The following ENTREP2 variants were observed in gnomAD, a reference collection of about 807,000 sequenced individuals.
ENTREP2 encodes the protein protein ENTREP2.
At chr15:29,454,133 G>A in the ENTREP2 span, among the ~76,000 whole-genome samples, 2 of 152,172 alleles carry the variant, frequency 1.3e-5, no homozygotes, top group South Asian at 2.1e-4. Context: ...TTATGAGACT[G>A]CACCAGTTTG....
the ENTREP2 span, among the ~76,000 whole-genome samples, chr15:29,179,705 C>G: frequency 6.6e-6 from 1 of 151,860 alleles, no homozygotes. Flanking sequence ...CTCAGCCTCC[C>G]GAGTAGCTGG....
the ENTREP2 span, among the ~76,000 whole-genome samples, chr15:29,181,248 T>C: frequency 2.0e-5 from 3 of 152,182 alleles, no homozygotes; most frequent in African/African-American, 7.2e-5. Context: ...TATAATCCAC[T>C]GAATCAGTAC....
the ENTREP2 span, chr15:29,269,625 G>C: frequency 6.4e-7 from 1 of 1,569,448 alleles, no homozygotes; most frequent in Non-Finnish European, 8.6e-7. Flanking sequence ...GCGAAGCCCC[G>C]GGGTTTCCGC....
the ENTREP2 span, among the ~76,000 whole-genome samples, chr15:29,558,310 C>T: frequency 2.0e-5 from 3 of 152,200 alleles, no homozygotes; most frequent in Non-Finnish European, 4.4e-5. Flanking sequence ...CTGTTTCCCA[C>T]GCCTGGGGTC....
the ENTREP2 span, among the ~76,000 whole-genome samples, chr15:29,394,724 G>A: frequency 1.3e-5 from 2 of 151,750 alleles, no homozygotes; most frequent in African/African-American, 2.4e-5. Flanking sequence ...AATTTACACC[G>A]ATTCCCCATT....
the ENTREP2 span, among the ~76,000 whole-genome samples, chr15:29,657,483 C>CGGGGGGGGGGGGGGGGG: frequency 1.3e-4 from 9 of 69,430 alleles, no homozygotes; most frequent in African/African-American, 2.4e-4. Context: ...GCTGGGGGGG[C>CGGGGGGGGGGGGGGGGG]GGGGGGGGGG....
At chr15:29,300,114 T>TA in the ENTREP2 span, among the ~76,000 whole-genome samples, 9 of 149,524 alleles carry the variant, frequency 6.0e-5, no homozygotes, top group South Asian at 2.1e-4. Flanking sequence ...GGTGAGTGGA[T>TA]AAATGGATGA....
At chr15:29,530,212 T>C in the ENTREP2 span, among the ~76,000 whole-genome samples, 1 of 152,134 alleles carries the variant, frequency 6.6e-6, no homozygotes, top group Admixed American at 6.5e-5. Context: ...CTTCTCACCC[T>C]AGGGAACTGG....
chr15:29,534,063 C>A, the ENTREP2 span, among the ~76,000 whole-genome samples: 1 of 136,052 alleles, frequency 7.4e-6, no homozygotes, highest in African/African-American at 2.9e-5. Context: ...TATGTCCAAC[C>A]TAACACCACA....
the ENTREP2 span, among the ~76,000 whole-genome samples, chr15:29,407,090 G>A: frequency 6.6e-6 from 1 of 152,128 alleles, no homozygotes; most frequent in Non-Finnish European, 1.5e-5. Flanking sequence ...CCTTAGGTGA[G>A]TCCATCATTG....
the ENTREP2 span, among the ~76,000 whole-genome samples, chr15:29,313,603 GA>G: frequency 6.6e-6 from 1 of 151,898 alleles, no homozygotes; most frequent in East Asian, 1.9e-4. Flanking sequence ...CTAACGCTCA[GA>G]AAAAAAATAT....
chr15:29,463,141 C>T, the ENTREP2 span, among the ~76,000 whole-genome samples: 2 of 152,054 alleles, frequency 1.3e-5, no homozygotes, highest in East Asian at 1.9e-4. Context: ...AGGCTGATTC[C>T]CCTGCAGAAC....
the ENTREP2 span, among the ~76,000 whole-genome samples, chr15:29,604,636 T>C: frequency 6.6e-6 from 1 of 152,346 alleles, no homozygotes; most frequent in East Asian, 1.9e-4. Flanking sequence ...TCAGCAGATT[T>C]TGAATATTTT....
At chr15:29,522,817 A>T in the ENTREP2 span, among the ~76,000 whole-genome samples, 1 of 152,214 alleles carries the variant, frequency 6.6e-6, no homozygotes, top group Non-Finnish European at 1.5e-5. Flanking sequence ...GCTCAGTGTG[A>T]CATGTCTTTA....
the ENTREP2 span, among the ~76,000 whole-genome samples, chr15:29,592,296 G>C: frequency 6.6e-6 from 1 of 152,208 alleles, no homozygotes; most frequent in Admixed American, 6.5e-5. Flanking sequence ...TCTAGGTTCA[G>C]GGAAGGAGAC....
At chr15:29,293,306 A>G in the ENTREP2 span, among the ~76,000 whole-genome samples, 9 of 151,876 alleles carry the variant, frequency 5.9e-5, no homozygotes, top group African/African-American at 2.2e-4. Context: ...GCTGGAGTGC[A>G]GTGGCACAAT....
chr15:29,315,037 C>T, the ENTREP2 span, among the ~76,000 whole-genome samples: 4 of 151,942 alleles, frequency 2.6e-5, no homozygotes, highest in South Asian at 2.1e-4. Flanking sequence ...GGTGACAGAG[C>T]GAGACTTTGT....
the ENTREP2 span, chr15:29,151,806 C>T: frequency 5.8e-6 from 9 of 1,551,546 alleles, no homozygotes; most frequent in East Asian, 2.2e-4. Flanking sequence ...CGATAGTGGA[C>T]AGGACGTTGA....
At chr15:29,259,032 C>A in the ENTREP2 span, among the ~76,000 whole-genome samples, 1 of 152,320 alleles carries the variant, frequency 6.6e-6, no homozygotes, top group East Asian at 1.9e-4. Flanking sequence ...TTTCATAACT[C>A]TGGAAGCTGG....
Sources: allele counts gnomAD v4.1 joint callset (sites outside exome capture counted in the v4.1 genomes callset), GRCh38; gene constraint gnomAD v4.1.1; transcripts MANE v1.5; gene names NCBI Gene and HGNC (gene_info 2026-07-23, HGNC 2026-07-21).